ACER3: variants seen among roughly 807,000 people sequenced by gnomAD.
ACER3 encodes alkaline ceramidase 3.
A neutral mutation model predicts 48.9 loss-of-function variants in ACER3; 16 were observed. The ratio of observed to expected loss-of-function variants is 0.33; its 90% CI spans 0.22 to 0.50. The LOEUF (loss-of-function observed/expected upper bound fraction) is 0.50. ACER3 is among the 20% of genes least tolerant of loss of function. The pLI is 0.98. For missense variants in ACER3, 227 were observed against 326.0 expected, an observed-to-expected ratio of 0.70 and a Z score of 2.34; for synonymous variants, 109 against 107.8, an observed-to-expected ratio of 1.01 and a Z score of -0.07.
At chr11:77,019,928 A>T (rs782287343) in intron 10 of ACER3, 152 bp downstream of exon 10, 5 of 783,888 alleles carry the variant, frequency 6.4e-6, no homozygotes, top group Middle Eastern at 3.5e-4. Context: ...TTACTACTGC[A>T]TGTTCTTGGA....
intron 2 of ACER3, among the ~76,000 whole-genome samples, chr11:76,930,770 A>C (rs936172540): frequency 3.3e-5 from 5 of 151,840 alleles, no homozygotes; most frequent in African/African-American, 1.2e-4. Flanking sequence ...TGTAGTTGAG[A>C]GGTTTTGAGT....
At chr11:76,907,103 A>G (rs1040053777) in intron 1 of ACER3, among the ~76,000 whole-genome samples, 1 of 152,150 alleles carries the variant, frequency 6.6e-6, no homozygotes, top group South Asian at 2.1e-4. Flanking sequence ...GGATTGGATC[A>G]TCAACTTACA....
intron 2 of ACER3, chr11:76,957,472 C>G (rs1281632022): frequency 2.2e-6 from 1 of 451,268 alleles, no homozygotes; most frequent in Non-Finnish European, 4.4e-6. Context: ...GAGATGGAGT[C>G]TCACTCTGTC....
intron 3 of ACER3, among the ~76,000 whole-genome samples, chr11:76,973,757 T>C (rs951562878): frequency 1.3e-5 from 2 of 152,230 alleles, no homozygotes; most frequent in African/African-American, 2.4e-5. Flanking sequence ...TTATCTGTTT[T>C]TTTTTCTTTG....
intron 1 of ACER3, among the ~76,000 whole-genome samples, chr11:76,923,999 A>AG (rs1230450704): frequency 2.6e-5 from 4 of 152,138 alleles, no homozygotes; most frequent in Non-Finnish European, 4.4e-5. Flanking sequence ...GTTGTCTCTC[A>AG]TATACTGTCT....
chr11:76,927,381 T>C (rs1378757547), intron 2 of ACER3, among the ~76,000 whole-genome samples: 1 of 152,218 alleles, frequency 6.6e-6, no homozygotes, highest in Non-Finnish European at 1.5e-5. Flanking sequence ...GTCATGTTCT[T>C]GCATCATCAT....
intron 7 of ACER3, among the ~76,000 whole-genome samples, chr11:77,010,199 C>T (rs547831069): frequency 1.5e-5 from 2 of 130,560 alleles, no homozygotes; most frequent in Admixed American, 1.5e-4. Flanking sequence ...ATAATAATAA[C>T]TAGTTTGGCA....
intron 1 of ACER3, among the ~76,000 whole-genome samples, chr11:76,904,977 G>A (rs978593187): frequency 5.9e-5 from 9 of 152,148 alleles, no homozygotes; most frequent in Non-Finnish European, 1.0e-4. Context: ...TCAGCCTGCC[G>A]GGTAGCTGGC....
At position 76,865,435 on chromosome 11, in the gene ACER3, A is replaced by G. The variant is rs1449782902; in HGVS notation, c.103+4356A>G. 2.0e-5 allele frequency among the ~76,000 whole-genome samples: 3 copies of G among 151,900 alleles called. No individual in the cohort carries two copies. The East Asian group carries it at 5.8e-4, about 29-fold the overall frequency. ...GCATAATTTCTCCTGGGACATCTTT[A>G]TCCTTTTCACCACAACTACTTTATG... On this transcript the variant is annotated intron_variant, in intron 1 of 10. Coordinates refer to ENST00000532485, the MANE Select transcript of ACER3 (RefSeq NM_018367.7).
At chr11:76,861,961 T>G (rs1445543222) in intron 1 of ACER3, among the ~76,000 whole-genome samples, 1 of 152,182 alleles carries the variant, frequency 6.6e-6, no homozygotes, top group Non-Finnish European at 1.5e-5. Flanking sequence ...TGTCTGTCTG[T>G]TTTCCTAGAC....
At chr11:76,988,718 G>A (rs925255414) in intron 5 of ACER3, among the ~76,000 whole-genome samples, 5 of 152,186 alleles carry the variant, frequency 3.3e-5, no homozygotes, top group African/African-American at 1.2e-4. Context: ...TTGGTTAATC[G>A]TGAAAGAATT....
intron 1 of ACER3, among the ~76,000 whole-genome samples, chr11:76,879,888 G>C (rs1225273672): frequency 6.6e-6 from 1 of 151,852 alleles, no homozygotes; most frequent in Non-Finnish European, 1.5e-5. Flanking sequence ...TTTGTTTTTT[G>C]TTAGGTTTCT....
intron 1 of ACER3, among the ~76,000 whole-genome samples, chr11:76,925,463 A>G (rs1946804830): frequency 1.3e-5 from 2 of 152,226 alleles, no homozygotes; most frequent in South Asian, 2.1e-4. Flanking sequence ...TCAAATGCCC[A>G]TTGGCATTTT....
chr11:76,964,207 C>T (rs1243232607), intron 3 of ACER3, among the ~76,000 whole-genome samples: 3 of 151,406 alleles, frequency 2.0e-5, no homozygotes, highest in Non-Finnish European at 4.4e-5. Flanking sequence ...CACGGAGCCT[C>T]TCTCACTGCT....
intron 3 of ACER3, among the ~76,000 whole-genome samples, chr11:76,968,705 T>C (rs1385468606): frequency 6.6e-6 from 1 of 152,212 alleles, no homozygotes; most frequent in Non-Finnish European, 1.5e-5. Flanking sequence ...GGATTCCTTA[T>C]TTAATAAATG....
chr11:76,959,221 A>G lies in ACER3; in HGVS notation c.267+190A>G, dbSNP rs914942793. 6.1e-6 allele frequency: 9 copies of G among 1,465,396 alleles called. No individual in the cohort carries two copies. In the African/African-American group the frequency reaches 7.1e-5, roughly 12 times the overall value. 90.8% of individuals were successfully genotyped at this position (1,465,396 alleles called of 1,614,324 possible). A position where few individuals can be genotyped will look rare whatever the true frequency, so the allele number is the denominator to read the frequency against. On this transcript the variant is annotated intron_variant, in intron 3 of 10. Transcript: ENST00000532485. Reference sequence around the variant, plus strand: ...AGCAGGTGAGTCCATAAGGAAAACAAGTACAAATAGTATAGGGCTTTTTGA... The same window carrying G: ...AGCAGGTGAGTCCATAAGGAAAACAGGTACAAATAGTATAGGGCTTTTTGA...
chr11:76,957,609 A>C (rs1947876964), intron 2 of ACER3: 1 of 281,064 alleles, frequency 3.6e-6, no homozygotes, highest in Non-Finnish European at 7.1e-6. Flanking sequence ...ATGTCTGGCT[A>C]ATTTTTATAT....
At chr11:77,020,237 G>A (rs782109489) in intron 10 of ACER3, 37 bp from the exon 11 acceptor site, 1 of 1,603,150 alleles carries the variant, frequency 6.2e-7, no homozygotes, top group East Asian at 2.2e-5. Flanking sequence ...GAACAATTCT[G>A]TCTTTTCTCA....
chr11:76,917,235 A>G (rs1217871780), intron 1 of ACER3, among the ~76,000 whole-genome samples: 3 of 152,190 alleles, frequency 2.0e-5, no homozygotes, highest in Non-Finnish European at 4.4e-5. Context: ...TCCAGAAGCC[A>G]TCTGCACAAT....
Sources: allele counts gnomAD v4.1 joint callset (sites outside exome capture counted in the v4.1 genomes callset), GRCh38; gene constraint gnomAD v4.1.1; transcripts MANE v1.5; gene names NCBI Gene and HGNC (gene_info 2026-07-23, HGNC 2026-07-21).